Variants in OLFM1 observed in about 807,000 individuals in gnomAD.
OLFM1 encodes noelin.
In OLFM1, 9 loss-of-function variants were observed where a neutral mutation model predicts 49.7. That is an observed-to-expected ratio of 0.18 (90% CI 0.11 to 0.32). OLFM1 has a LOEUF of 0.32. OLFM1 is among the 10% of genes least tolerant of loss of function. The pLI is 1.00. For synonymous variants in OLFM1, 240 were observed against 271.8 expected (o/e 0.88, Z 1.15); for missense variants, 369 against 661.8 (o/e 0.56, Z 4.85).
chr9:135,115,572 G>C (rs1831085628), intron 5 of OLFM1, among the ~76,000 whole-genome samples: 1 of 152,268 alleles, frequency 6.6e-6, no homozygotes, highest in African/African-American at 2.4e-5. Context: ...GTTGCAGGGG[G>C]CTGTTGGTGT....
intron 1 of OLFM1, chr9:135,076,536 C>T: frequency 8.3e-7 from 1 of 1,203,350 alleles, no homozygotes; most frequent in Non-Finnish European, 1.1e-6. Flanking sequence ...GCTGGCAGGT[C>T]TTGGGGGAGG....
At chr9:135,102,301 TCTC>T (rs1366263333) in intron 4 of OLFM1, among the ~76,000 whole-genome samples, 1 of 152,110 alleles carries the variant, frequency 6.6e-6, no homozygotes, top group East Asian at 1.9e-4. Context: ...GGGTCTGTCT[TCTC>T]CTGCCCCCGG....
At chr9:135,077,579 C>G (rs1830483937) in intron 1 of OLFM1, among the ~76,000 whole-genome samples, 1 of 152,224 alleles carries the variant, frequency 6.6e-6, no homozygotes, top group African/African-American at 2.4e-5. Context: ...CAGGGCCCAG[C>G]CAGCCACCTT....
At chr9:135,100,726 C>T (rs919026740) in intron 4 of OLFM1, among the ~76,000 whole-genome samples, 1 of 152,206 alleles carries the variant, frequency 6.6e-6, no homozygotes, top group Admixed American at 6.5e-5. Flanking sequence ...TTTCAGCTGC[C>T]TCCTCCTCTG....
At chr9:135,100,850 C>G (rs1211000073) in intron 4 of OLFM1, among the ~76,000 whole-genome samples, 1 of 151,974 alleles carries the variant, frequency 6.6e-6, no homozygotes, top group Non-Finnish European at 1.5e-5. Context: ...TGCTGGTAGG[C>G]AGGTAGGTCG....
intron 3 of OLFM1, among the ~76,000 whole-genome samples, chr9:135,096,529 A>G (rs1369781842): frequency 6.6e-6 from 1 of 152,250 alleles, no homozygotes; most frequent in Non-Finnish European, 1.5e-5. Flanking sequence ...CCACCTTGAC[A>G]GGGGCGGCCT....
intron 5 of OLFM1, among the ~76,000 whole-genome samples, chr9:135,114,871 A>G (rs908012216): frequency 2.0e-5 from 3 of 152,168 alleles, no homozygotes; most frequent in Non-Finnish European, 2.9e-5. Flanking sequence ...AGCGGGAACC[A>G]GGCCCCAGAC....
At chr9:135,090,591 G>A (rs1211327663) in intron 2 of OLFM1, among the ~76,000 whole-genome samples, 1 of 152,168 alleles carries the variant, frequency 6.6e-6, no homozygotes, top group Non-Finnish European at 1.5e-5. Context: ...CACACAGGTG[G>A]ATTGAGACTT....
At chr9:135,101,135 G>A (rs1588214045) in intron 4 of OLFM1, among the ~76,000 whole-genome samples, 1 of 152,246 alleles carries the variant, frequency 6.6e-6, no homozygotes, top group Non-Finnish European at 1.5e-5. Flanking sequence ...CTTGCTGGGA[G>A]GTTGCTGAGG....
chr9:135,117,204 T>A lies in OLFM1; in HGVS notation c.784-2300T>A, dbSNP rs1380192575. Among the ~76,000 whole-genome samples, 1 of 152,232 alleles carries A rather than the reference T, an allele frequency of 6.6e-6. No individual in the cohort carries two copies. Among genetic ancestry groups the A allele is most frequent in the East Asian group, 1.9e-4 (1 of 5,192 alleles). On this transcript the variant is annotated intron_variant, in intron 5 of 5. Transcript: ENST00000371793. This position sits in a 1 kb window ranked among gnomAD's most constrained non-coding sequence, Gnocchi z 5.5. ...AAGTCCAGACAGTTCTCAAGTCAAC[T>A]GGCATTTCATCGGAAATCTCTTCTT...
chr9:135,081,540 T>C (rs546821251), intron 1 of OLFM1, among the ~76,000 whole-genome samples: 13 of 152,264 alleles, frequency 8.5e-5, no homozygotes, highest in African/African-American at 2.6e-4. Flanking sequence ...AGCAGGCCCG[T>C]CCACCCCTTG....
chr9:135,114,507 T>A (rs1831069891), intron 5 of OLFM1, among the ~76,000 whole-genome samples: 1 of 152,152 alleles, frequency 6.6e-6, no homozygotes, highest in Admixed American at 6.5e-5. Flanking sequence ...GGGGCCACTA[T>A]TCAGTCTACT....
chr9:135,091,863 ACTCACACACAGT>A (rs1207640823), intron 2 of OLFM1, among the ~76,000 whole-genome samples: 1 of 136,898 alleles, frequency 7.3e-6, no homozygotes, highest in Admixed American at 7.1e-5. Flanking sequence ...AGTCACACAC[ACTCACACACAGT>A]CACACACACA....
Position 135,103,479 on chromosome 9 carries a change from C to T in OLFM1, c.677-3270C>T, listed in dbSNP as rs147244357. 1.8e-3 allele frequency among the ~76,000 whole-genome samples: 280 copies of T among 152,346 alleles called. 1 individual carries two copies. The highest frequency in any genetic ancestry group is 6.3e-3 in the African/African-American group (263 of 41,592). ...GCAGAGCCAGCCTCACCCTTCCCTG[C>T]CCTTGCTAAGCCAGGATTTTAAGGC... On this transcript the variant is annotated intron_variant, in intron 4 of 5. Transcript: ENST00000371793.
intron 4 of OLFM1, chr9:135,106,455 T>G: frequency 5.3e-6 from 2 of 376,976 alleles, no homozygotes; most frequent in Non-Finnish European, 4.8e-6. Context: ...CCCCAGGCCA[T>G]GGGTCCAGCA....
At chr9:135,099,667 G>A (rs1830844884) in intron 4 of OLFM1, among the ~76,000 whole-genome samples, 1 of 152,232 alleles carries the variant, frequency 6.6e-6, no homozygotes, top group South Asian at 2.1e-4. Flanking sequence ...AATAAGAAAT[G>A]CTTGGAGTCA....
chr9:135,095,634 A>G (rs555353872), intron 2 of OLFM1, among the ~76,000 whole-genome samples: 1 of 152,222 alleles, frequency 6.6e-6, no homozygotes, highest in South Asian at 2.1e-4. Context: ...CCCTGATGAT[A>G]AGAACAGGTT....
intron 5 of OLFM1, among the ~76,000 whole-genome samples, chr9:135,115,255 GGCCGA>G (rs1463106375): frequency 1.3e-5 from 2 of 152,238 alleles, no homozygotes; most frequent in Non-Finnish European, 2.9e-5. Flanking sequence ...TGCAGCTTCA[GGCCGA>G]GCCTTCAAAC....
intron 2 of OLFM1, 128 bp from the exon 3 acceptor site, chr9:135,095,736 T>C: frequency 1.1e-6 from 1 of 929,944 alleles, no homozygotes; most frequent in Non-Finnish European, 1.7e-6. Context: ...TTGTAAATAA[T>C]GCATGGGCCA....
Sources: allele counts gnomAD v4.1 joint callset (sites outside exome capture counted in the v4.1 genomes callset), GRCh38; gene constraint gnomAD v4.1.1; non-coding constraint Gnocchi (gnomAD v3.1); transcripts MANE v1.5; gene names NCBI Gene and HGNC (gene_info 2026-07-23, HGNC 2026-07-21).